Variants in ABCC1 observed in about 807,000 individuals in gnomAD.
ABCC1 encodes multidrug resistance-associated protein 1.
Under a neutral mutation model 172.9 loss-of-function variants are expected in ABCC1, and 83 were observed. The ratio of observed to expected loss-of-function variants is 0.48; its 90% CI spans 0.40 to 0.58. ABCC1 has a LOEUF of 0.58. ABCC1 is among the 20% of genes least tolerant of loss of function. The pLI, the probability that ABCC1 is intolerant of heterozygous loss-of-function variation, is 0.00. For missense variants in ABCC1, 1,817 were observed against 2,002.7 expected (o/e 0.91, Z 1.77); for synonymous variants, 937 against 825.2 (o/e 1.14, Z -2.32).
chr16:15,999,009 A>G (rs2047152063), intron 1 of ABCC1, among the ~76,000 whole-genome samples: 2 of 152,030 alleles, frequency 1.3e-5, no homozygotes, highest in African/African-American at 2.4e-5. Flanking sequence ...AAAAATTTTT[A>G]TATTTTTTTG....
intron 19 of ABCC1, among the ~76,000 whole-genome samples, chr16:16,092,252 A>T (rs1275863475): frequency 6.6e-6 from 1 of 152,176 alleles, no homozygotes; most frequent in African/African-American, 2.4e-5. Flanking sequence ...AAACAAAACA[A>T]AACAAAACAA....
chr16:15,955,131 G>T (rs1342088225), intron 1 of ABCC1, among the ~76,000 whole-genome samples: 1 of 152,108 alleles, frequency 6.6e-6, no homozygotes, highest in Admixed American at 6.6e-5. Context: ...CAAGGCAGAC[G>T]GATCATTTGA....
chr16:16,090,299 C>G lies in ABCC1; in HGVS notation c.2461-106C>G. 2 of 1,255,706 alleles carry G rather than the reference C, an allele frequency of 1.6e-6. 1 individual carries two copies. The highest frequency in any genetic ancestry group is 2.1e-6 in the Non-Finnish European group (2 of 939,588). The allele number at this position is 1,255,706 out of a possible 1,614,324, so 77.8% of individuals were successfully genotyped here. A position where few individuals can be genotyped will look rare whatever the true frequency, so the allele number is the denominator to read the frequency against. ...GTCCCACCTTCAGACCTGAGTTTTG[C>G]CCACCAGGTGTTCGTCGGCTCATTC... is the stretch of plus-strand genomic sequence containing the variant. On this transcript the variant is annotated intron_variant, in intron 18 of 30. Coordinates refer to ENST00000399410, the MANE Select transcript of ABCC1 (RefSeq NM_004996.4).
rs57480151 is a variant in ABCC1 at position 16,065,893 on chromosome 16, A to G, written c.1678-2263A>G. On this transcript the variant is annotated intron_variant, in intron 12 of 30. Transcript: ENST00000399410. ...ATGCCGATCGAAATGTATTTTTTTA[A>G]CGGAGGTATAATTCACCATTTAAAA... Among the ~76,000 whole-genome samples the G allele has an allele frequency of 8.7e-3, 1,325 of 152,278 alleles. 18 individuals carry two copies. The highest frequency in any genetic ancestry group is 0.03 in the African/African-American group (1,234 of 41,540).
At position 16,007,882 on chromosome 16, in the gene ABCC1, G is replaced by C; in HGVS notation, c.115G>C (p.Val39Leu). 2 of 1,613,714 alleles carry C rather than the reference G, an allele frequency of 1.2e-6. No individual in the cohort carries two copies. Among genetic ancestry groups the C allele is most frequent in the Non-Finnish European group, 1.7e-6 (2 of 1,179,900 alleles). Residue 39 changes from valine to leucine, a missense_variant, in exon 2 of 31, where the codon GTG (valine) becomes CTG (leucine). Coordinates refer to ENST00000399410, the MANE Select transcript of ABCC1 (RefSeq NM_004996.4). The part of the protein sequence containing the change: ...FTKCFQNTVL[V>L]WVPCFYLWAC... Reference sequence around the variant, plus strand: ...CAAGTGCTTTCAGAACACGGTCCTCGTGTGGGTGCCTTGTTTTTACCTCTG... The same window carrying C: ...CAAGTGCTTTCAGAACACGGTCCTCCTGTGGGTGCCTTGTTTTTACCTCTG...
intron 1 of ABCC1, among the ~76,000 whole-genome samples, chr16:15,979,702 T>G (rs2046576883): frequency 6.6e-6 from 1 of 152,162 alleles, no homozygotes; most frequent in African/African-American, 2.4e-5. Flanking sequence ...CAGGCTGGTC[T>G]TGAACTTCTT....
rs1567344361 is a variant in ABCC1 at position 16,045,747 on chromosome 16, G to A, written c.1041-89G>A. On this transcript the variant is annotated intron_variant, in intron 8 of 30. Coordinates refer to ENST00000399410, the MANE Select transcript of ABCC1 (RefSeq NM_004996.4). ...GATAGTGTCTAGCTCATCTGGCTCA[G>A]GAGAAAGTTGCAGTGCCAACACTGA... The A allele has an allele frequency of 4.6e-6, 6 of 1,306,782 alleles. No individual in the cohort carries two copies. In the South Asian group the frequency reaches 6.8e-5, roughly 15 times the overall value. 80.9% of individuals were successfully genotyped at this position (1,306,782 alleles called of 1,614,324 possible).
chr16:16,083,477 G>A lies in ABCC1; in HGVS notation c.2227G>A (p.Ala743Thr). Residue 743 changes from alanine to threonine, a missense_variant, in exon 17 of 31, where the codon GCC becomes ACC. Ala to Thr is a moderately conservative substitution (Grantham distance 58). Around this residue, in one of 3 missense-constraint regions of ABCC1, gnomAD observed 1,412 missense variants for 1,600.3 expected, o/e 0.88. Transcript: ENST00000399410. Reference sequence around the variant, plus strand: ...ACCATATTACAGGTCCGTGATACAGGCCTGTGCCCTCCTCCCAGACCTGGA... The same window carrying A: ...ACCATATTACAGGTCCGTGATACAGACCTGTGCCCTCCTCCCAGACCTGGA... ...EEPYYRSVIQ[A>T]CALLPDLEIL... 6.2e-7 allele frequency: 1 copy of A among 1,613,936 alleles called. No homozygotes were observed. Among genetic ancestry groups the A allele is most frequent in the Non-Finnish European group, 8.5e-7 (1 of 1,180,026 alleles).
intron 23 of ABCC1, among the ~76,000 whole-genome samples, chr16:16,121,651 A>AG (rs1239529012): frequency 6.6e-6 from 1 of 152,192 alleles, no homozygotes; most frequent in Non-Finnish European, 1.5e-5. Context: ...TTTGTGCCTT[A>AG]GTCTACCCAT....
At chr16:16,083,260 G>A (rs1184663251) in intron 16 of ABCC1, 106 bp from the exon 17 acceptor site, 2 of 1,113,036 alleles carry the variant, frequency 1.8e-6, no homozygotes, top group Non-Finnish European at 2.7e-6. Context: ...TGATGAAAAT[G>A]ACTTGTGAAG....
At chr16:16,062,887 C>T (rs1473296992) in intron 12 of ABCC1, among the ~76,000 whole-genome samples, 2 of 152,146 alleles carry the variant, frequency 1.3e-5, no homozygotes, top group Non-Finnish European at 2.9e-5. Context: ...ACCTAATGCA[C>T]TTTCCTAAAA....
rs982734492 is a variant in ABCC1, at chr16:16,112,724, C to G, written c.3079+1142C>G. Among the ~76,000 whole-genome samples the G allele has an allele frequency of 2.6e-5, 4 of 152,194 alleles. 1 individual carries two copies. Among genetic ancestry groups the G allele is most frequent in the Admixed American group, 1.3e-4 (2 of 15,276 alleles). On this transcript the variant is annotated intron_variant, in intron 22 of 30. Coordinates refer to ENST00000399410, the MANE Select transcript of ABCC1 (RefSeq NM_004996.4). ...CTACGCAGTATGTGAGCCATGTTTG[C>G]AAATACACATGTATGGTCCATATGA...
At chr16:16,086,735 C>A in intron 17 of ABCC1, 89 bp from the exon 18 acceptor site, 2 of 1,492,048 alleles carry the variant, frequency 1.3e-6, no homozygotes, top group South Asian at 1.2e-5. Flanking sequence ...TCCCAAAGTT[C>A]TGGGATCACA....
chr16:16,082,915 TG>T (rs1263779518), intron 16 of ABCC1, among the ~76,000 whole-genome samples: 1 of 152,208 alleles, frequency 6.6e-6, no homozygotes, highest in Non-Finnish European at 1.5e-5. Flanking sequence ...CCCAAAGTGC[TG>T]GGATTACAGG....
chr16:16,018,570 A>C (rs1312402201), intron 5 of ABCC1, among the ~76,000 whole-genome samples: 1 of 152,022 alleles, frequency 6.6e-6, no homozygotes, highest in Admixed American at 6.6e-5. Flanking sequence ...AAAGAAATGC[A>C]TGTCCCAGTG....
At chr16:16,078,926 G>A (rs1032669537) in intron 15 of ABCC1, among the ~76,000 whole-genome samples, 3 of 152,148 alleles carry the variant, frequency 2.0e-5, no homozygotes, top group South Asian at 2.1e-4. Context: ...ATCCGCCTGC[G>A]TTGGCCTCCC....
chr16:16,065,297 C>T (rs1023596344), intron 12 of ABCC1, among the ~76,000 whole-genome samples: 1 of 152,172 alleles, frequency 6.6e-6, no homozygotes, highest in Non-Finnish European at 1.5e-5. Context: ...GGGCCTCACT[C>T]TGTTACCCAG....
intron 24 of ABCC1, among the ~76,000 whole-genome samples, chr16:16,124,392 T>TGG (rs2045333815): frequency 3.8e-5 from 5 of 130,924 alleles, no homozygotes; most frequent in South Asian, 5.2e-4. Context: ...TGTGTGTGTG[T>TGG]GTGTGTGTGT....
At chr16:15,955,857 G>A (rs2045985485) in intron 1 of ABCC1, among the ~76,000 whole-genome samples, 1 of 152,202 alleles carries the variant, frequency 6.6e-6, no homozygotes, top group East Asian at 1.9e-4. Context: ...TTTGTTTACG[G>A]CTGTAATCCC....
Sources: allele counts gnomAD v4.1 joint callset (sites outside exome capture counted in the v4.1 genomes callset), GRCh38; gene constraint gnomAD v4.1.1; regional missense constraint gnomAD v4.1.1; transcripts MANE v1.5; gene names NCBI Gene and HGNC (gene_info 2026-07-23, HGNC 2026-07-21).